MAGI2: variants seen among roughly 807,000 people sequenced by gnomAD.
MAGI2 encodes the protein membrane-associated guanylate kinase, WW and PDZ domain-containing protein 2.
MAGI2 carries 35 observed loss-of-function variants against 133.3 expected under a neutral mutation model. The ratio of observed to expected loss-of-function variants is 0.26; its 90% CI spans 0.20 to 0.35. The LOEUF (loss-of-function observed/expected upper bound fraction) is 0.35. Ranked by LOEUF, MAGI2 falls within the 10% of genes least tolerant of loss-of-function variation. MAGI2 has a pLI of 1.00. For missense variants in MAGI2, 1,636 were observed against 1,863.4 expected (o/e 0.88, Z 2.25); for synonymous variants, 729 against 710.6 (o/e 1.03, Z -0.41).
chr7:79,178,603 T>C (rs570632585), intron 1 of MAGI2, among the ~76,000 whole-genome samples: 14 of 151,610 alleles, frequency 9.2e-5, no homozygotes, highest in African/African-American at 3.2e-4. Flanking sequence ...TCCCAGCTAC[T>C]CAGGAGGCTG....
chr7:78,282,971 T>C (rs1333673233), intron 9 of MAGI2, among the ~76,000 whole-genome samples: 1 of 152,126 alleles, frequency 6.6e-6, no homozygotes, highest in Non-Finnish European at 1.5e-5. Context: ...TATAGAAGTT[T>C]AGGCTGAACT....
At chr7:78,321,101 T>C (rs1381623384) in intron 9 of MAGI2, among the ~76,000 whole-genome samples, 2 of 152,144 alleles carry the variant, frequency 1.3e-5, no homozygotes, top group Non-Finnish European at 2.9e-5. Context: ...TACAAACCAC[T>C]GCTCAAGGAA....
At chr7:79,014,629 AT>A (rs898826164) in intron 1 of MAGI2, among the ~76,000 whole-genome samples, 15 of 152,076 alleles carry the variant, frequency 9.9e-5, no homozygotes, top group African/African-American at 2.6e-4. Context: ...AATTCAATCC[AT>A]TTTTTTTAAA....
At chr7:78,143,046 A>C (rs1004368854) in intron 16 of MAGI2, among the ~76,000 whole-genome samples, 2 of 152,286 alleles carry the variant, frequency 1.3e-5, no homozygotes, top group Middle Eastern at 3.4e-3. Context: ...TTTCGCAAAG[A>C]CTCAGAAAAA....
chr7:78,033,774 C>G (rs142519772), intron 21 of MAGI2, among the ~76,000 whole-genome samples: 1 of 152,020 alleles, frequency 6.6e-6, no homozygotes, highest in African/African-American at 2.4e-5. Context: ...CAACAAGGGC[C>G]GAGCTCAGTG....
At chr7:78,094,268 C>A (rs143951708) in intron 20 of MAGI2, among the ~76,000 whole-genome samples, 10 of 152,150 alleles carry the variant, frequency 6.6e-5, no homozygotes, top group Admixed American at 6.5e-4. Flanking sequence ...ATTCCTTGAG[C>A]GTATTTTCTA....
intron 1 of MAGI2, among the ~76,000 whole-genome samples, chr7:79,419,706 C>A (rs1846800415): frequency 2.0e-5 from 3 of 151,990 alleles, no homozygotes; most frequent in Non-Finnish European, 2.9e-5. Context: ...TACCCTATTC[C>A]CATTAAGCAT....
At chr7:78,389,963 A>G (rs1253239393) in intron 6 of MAGI2, among the ~76,000 whole-genome samples, 4 of 152,242 alleles carry the variant, frequency 2.6e-5, no homozygotes, top group Non-Finnish European at 5.9e-5. Context: ...GTTTTTAACA[A>G]TCAGACTAAT....
intron 10 of MAGI2, among the ~76,000 whole-genome samples, chr7:78,246,486 C>T (rs542165775): frequency 2.0e-4 from 31 of 152,192 alleles, no homozygotes; most frequent in South Asian, 1.2e-3. Context: ...CACCCTGGCC[C>T]GCACGCAAAA....
At chr7:78,097,841 C>T (rs1187225621) in intron 20 of MAGI2, among the ~76,000 whole-genome samples, 1 of 151,954 alleles carries the variant, frequency 6.6e-6, no homozygotes, top group African/African-American at 2.4e-5. Flanking sequence ...AAAAAATTTG[C>T]CAATCCCCAG....
chr7:79,289,051 T>C (rs1836256117), intron 1 of MAGI2, among the ~76,000 whole-genome samples: 1 of 152,140 alleles, frequency 6.6e-6, no homozygotes, highest in Non-Finnish European at 1.5e-5. Context: ...AACACCCATG[T>C]GTCACTTTGA....
At chr7:78,838,724 C>A (rs1293038392) in intron 2 of MAGI2, among the ~76,000 whole-genome samples, 1 of 151,800 alleles carries the variant, frequency 6.6e-6, no homozygotes, top group African/African-American at 2.4e-5. Context: ...TCCAGAAAGG[C>A]TACAATTAAA....
At chr7:79,281,709 C>A (rs1476088365) in intron 1 of MAGI2, among the ~76,000 whole-genome samples, 1 of 152,088 alleles carries the variant, frequency 6.6e-6, no homozygotes, top group Non-Finnish European at 1.5e-5. Context: ...TATTGCTATA[C>A]TAAATCAGAA....
intron 2 of MAGI2, among the ~76,000 whole-genome samples, chr7:78,888,634 T>C (rs1796468680): frequency 6.6e-6 from 1 of 152,186 alleles, no homozygotes; most frequent in Non-Finnish European, 1.5e-5. Flanking sequence ...GGAGTGGACC[T>C]CCAGCAAACT....
intron 1 of MAGI2, among the ~76,000 whole-genome samples, chr7:79,448,232 T>C (rs572650333): frequency 6.6e-6 from 1 of 152,158 alleles, no homozygotes; most frequent in African/African-American, 2.4e-5. Context: ...GAAAATATTT[T>C]CCATTGTATT....
chr7:79,060,357 T>A (rs527837744), intron 1 of MAGI2, among the ~76,000 whole-genome samples: 159 of 151,654 alleles, frequency 1.0e-3, no homozygotes, highest in South Asian at 2.9e-3. Context: ...CATATTTTTT[T>A]AAAAAAAAAC....
At chr7:78,576,916 T>G (rs886070744) in intron 3 of MAGI2, among the ~76,000 whole-genome samples, 2 of 152,106 alleles carry the variant, frequency 1.3e-5, no homozygotes, top group Non-Finnish European at 2.9e-5. Flanking sequence ...CTGGCCAATA[T>G]AGTTAAGCCC....
chr7:79,446,905 TCA>T (rs1848892688), intron 1 of MAGI2, among the ~76,000 whole-genome samples: 1 of 151,970 alleles, frequency 6.6e-6, no homozygotes, highest in South Asian at 2.1e-4. Flanking sequence ...TGAGCTGAGA[TCA>T]CGCCACTGCA....
chr7:78,760,247 G>T (rs1323450328), intron 2 of MAGI2, among the ~76,000 whole-genome samples: 1 of 152,086 alleles, frequency 6.6e-6, no homozygotes, highest in African/African-American at 2.4e-5. Flanking sequence ...TACATTGTCA[G>T]CTGGAGTGTA....
Sources: gnomAD v4.1 joint callset for allele counts (sites outside exome capture counted in the v4.1 genomes callset) on GRCh38, gnomAD v4.1.1 for gene constraint, MANE v1.5 for transcripts, NCBI Gene and HGNC (gene_info 2026-07-23, HGNC 2026-07-21) for gene names.